The following TUNAR variants were observed in gnomAD, a reference collection of about 807,000 sequenced individuals.
The protein encoded by TUNAR is transmembrane neural differentiation associated intracellular calcium regulator.
At chr14:95,905,618 G>T (rs1205778479) in intron 2 of TUNAR, among the ~76,000 whole-genome samples, 6 of 152,166 alleles carry the variant, frequency 3.9e-5, no homozygotes, top group Admixed American at 2.0e-4. Flanking sequence ...TGTCTGCCAG[G>T]CTTCACTGTA....
chr14:95,888,813 G>A (rs1023945155), intron 2 of TUNAR, among the ~76,000 whole-genome samples: 3 of 152,062 alleles, frequency 2.0e-5, no homozygotes, highest in African/African-American at 7.2e-5. Flanking sequence ...GGGATGGGGG[G>A]GGCAGTTAGA....
At chr14:95,881,301 G>A (rs958977601) in intron 2 of TUNAR, among the ~76,000 whole-genome samples, 1 of 152,214 alleles carries the variant, frequency 6.6e-6, no homozygotes, top group Non-Finnish European at 1.5e-5. Flanking sequence ...AACCCTAACA[G>A]GGTTAGTGCT....
At chr14:95,911,712 T>C (rs1423706481) in intron 2 of TUNAR, among the ~76,000 whole-genome samples, 2 of 152,180 alleles carry the variant, frequency 1.3e-5, no homozygotes, top group Non-Finnish European at 2.9e-5. Flanking sequence ...AGCCACTCCA[T>C]TGAAAGCAGC....
intron 2 of TUNAR, among the ~76,000 whole-genome samples, chr14:95,905,236 G>C (rs1316363324): frequency 6.6e-6 from 1 of 152,196 alleles, no homozygotes; most frequent in Admixed American, 6.5e-5. Context: ...TTACCAACGT[G>C]TAATACTATT....
At chr14:95,918,207 A>G (rs1332685694) in intron 2 of TUNAR, among the ~76,000 whole-genome samples, 2 of 152,246 alleles carry the variant, frequency 1.3e-5, no homozygotes, top group Admixed American at 1.3e-4. Context: ...GAAATAACAC[A>G]TCATGAAGAA....
chr14:95,905,461 T>C (rs1222371545), intron 2 of TUNAR, among the ~76,000 whole-genome samples: 1 of 152,222 alleles, frequency 6.6e-6, no homozygotes, highest in Non-Finnish European at 1.5e-5. Flanking sequence ...AGTTTAAGTT[T>C]GTCTGAAGTT....
At chr14:95,909,425 G>A (rs1595123395) in intron 2 of TUNAR, among the ~76,000 whole-genome samples, 1 of 151,682 alleles carries the variant, frequency 6.6e-6, no homozygotes, top group Non-Finnish European at 1.5e-5. Flanking sequence ...CTGGGACTTC[G>A]GGCACCCACC....
intron 2 of TUNAR, among the ~76,000 whole-genome samples, chr14:95,879,283 A>G (rs901414707): frequency 1.3e-5 from 2 of 152,228 alleles, no homozygotes; most frequent in Non-Finnish European, 2.9e-5. Flanking sequence ...CTCGGCTCTC[A>G]GCGGGTTTTG....
intron 2 of TUNAR, among the ~76,000 whole-genome samples, chr14:95,894,131 G>A (rs1024587817): frequency 7.9e-5 from 12 of 152,260 alleles, no homozygotes; most frequent in African/African-American, 2.4e-4. Flanking sequence ...CTGGGTTAGC[G>A]TCTGGCTTCG....
intron 2 of TUNAR, among the ~76,000 whole-genome samples, chr14:95,878,886 C>A (rs1052217350): frequency 7.9e-5 from 12 of 152,216 alleles, no homozygotes; most frequent in Non-Finnish European, 1.2e-4. Context: ...GGCTAGAAAG[C>A]AGCAAGCTGG....
chr14:95,898,445 T>C (rs1463005384), intron 2 of TUNAR, among the ~76,000 whole-genome samples: 1 of 152,226 alleles, frequency 6.6e-6, no homozygotes, highest in Non-Finnish European at 1.5e-5. Flanking sequence ...GAGATTCTAA[T>C]GGAACTGATT....
chr14:95,883,723 C>G (rs879545626), intron 2 of TUNAR, among the ~76,000 whole-genome samples: 2 of 137,248 alleles, frequency 1.5e-5, no homozygotes, highest in Non-Finnish European at 3.3e-5. Context: ...GGCCAAGCCA[C>G]CCCCCCGCCG....
chr14:95,879,286 G>A lies in TUNAR; in HGVS notation c.12+2109G>A, dbSNP rs554122381. On this transcript the variant is annotated intron_variant, in intron 2 of 2. Coordinates refer to ENST00000678517, the Ensembl canonical transcript of TUNAR. The stretch of plus-strand genomic sequence containing the variant: ...TTTTCCCAGAAACTCGGCTCTCAGC[G>A]GGTTTTGTGACTGTTTGAAATTCAC... 1.0e-3 allele frequency among the ~76,000 whole-genome samples: 156 copies of A among 152,282 alleles called. 2 individuals are homozygous for A. The highest frequency in any genetic ancestry group is 4.8e-3 in the South Asian group (23 of 4,824).
At chr14:95,890,494 T>C (rs1387992902) in intron 2 of TUNAR, among the ~76,000 whole-genome samples, 1 of 152,156 alleles carries the variant, frequency 6.6e-6, no homozygotes, top group Non-Finnish European at 1.5e-5. Context: ...TCTAAACAGC[T>C]GTGGCTGGGA....
chr14:95,888,526 C>T (rs1169332788), intron 2 of TUNAR, among the ~76,000 whole-genome samples: 2 of 152,160 alleles, frequency 1.3e-5, no homozygotes, highest in African/African-American at 2.4e-5. Context: ...ACTCGCATGT[C>T]TGGCCCCTGA....
intron 2 of TUNAR, among the ~76,000 whole-genome samples, chr14:95,914,996 C>G (rs1343097491): frequency 1.3e-5 from 2 of 152,164 alleles, no homozygotes; most frequent in Non-Finnish European, 2.9e-5. Context: ...CCAGTGGGTG[C>G]AAGCTAAGCG....
chr14:95,912,991 C>T (rs1889540067), intron 2 of TUNAR, among the ~76,000 whole-genome samples: 1 of 151,912 alleles, frequency 6.6e-6, no homozygotes, highest in African/African-American at 2.4e-5. Flanking sequence ...TGGGGTTTCA[C>T]CCTGTTAGCC....
Position 95,888,694 on chromosome 14 carries a change from G to T in TUNAR, c.12+11517G>T, listed in dbSNP as rs181006237. Among the ~76,000 whole-genome samples the T allele has an allele frequency of 4.0e-3, 606 of 152,318 alleles. 5 individuals are homozygous for T. The highest frequency in any genetic ancestry group is 0.014 in the African/African-American group (591 of 41,562). The stretch of plus-strand genomic sequence containing the variant: ...AAGAGAGAGCAAGAGGTTGTAGTGC[G>T]TGGGGGTGTCTGTCTCTATCCTCTT... On this transcript the variant is annotated intron_variant, in intron 2 of 2. Coordinates refer to ENST00000678517, the Ensembl canonical transcript of TUNAR.
chr14:95,888,600 C>T (rs1018516855), intron 2 of TUNAR, among the ~76,000 whole-genome samples: 2 of 152,098 alleles, frequency 1.3e-5, no homozygotes, highest in African/African-American at 2.4e-5. Flanking sequence ...GACTCTCCAT[C>T]GCTCTGTGGA....
Sources: gnomAD v4.1 joint callset for allele counts (sites outside exome capture counted in the v4.1 genomes callset) on GRCh38, gnomAD v4.1.1 for gene constraint, MANE v1.5 for transcripts, NCBI Gene and HGNC (gene_info 2026-07-23, HGNC 2026-07-21) for gene names.